TSHZ2: variants seen among roughly 807,000 people sequenced by gnomAD.
The protein encoded by TSHZ2 is teashirt homolog 2.
A neutral mutation model predicts 74.4 loss-of-function variants in TSHZ2; 21 were observed. That is an observed-to-expected ratio of 0.28 (90% CI 0.20 to 0.41). TSHZ2 has a LOEUF of 0.41. Among genes scored for constraint, TSHZ2 ranks in the 10% least tolerant of loss-of-function variants. TSHZ2 has a pLI of 1.00. For missense variants in TSHZ2, 1,244 were observed against 1,293.5 expected (o/e 0.96, Z 0.59); for synonymous variants, 540 against 515.3 (o/e 1.05, Z -0.65).
intron 2 of TSHZ2, among the ~76,000 whole-genome samples, chr20:53,258,231 G>A (rs766264295): frequency 6.6e-6 from 1 of 152,128 alleles, no homozygotes; most frequent in African/African-American, 2.4e-5. Context: ...TTCAGCTCAC[G>A]GAATTGAAAG....
At chr20:53,084,060 C>T (rs928161129) in intron 1 of TSHZ2, among the ~76,000 whole-genome samples, 2 of 152,058 alleles carry the variant, frequency 1.3e-5, no homozygotes, top group Admixed American at 1.3e-4. Flanking sequence ...ATGTTTGCCA[C>T]AGAATAGCCA....
intron 1 of TSHZ2, among the ~76,000 whole-genome samples, chr20:53,090,861 G>A (rs536520707): frequency 4.6e-5 from 7 of 152,178 alleles, no homozygotes; most frequent in East Asian, 1.9e-4. Flanking sequence ...TCCCCTTTTC[G>A]TTTGCTGTTT....
intron 2 of TSHZ2, among the ~76,000 whole-genome samples, chr20:53,273,054 C>A (rs1219890855): frequency 6.6e-6 from 1 of 152,146 alleles, no homozygotes; most frequent in Non-Finnish European, 1.5e-5. Flanking sequence ...GAAACAGGAG[C>A]AGGGCTGATA....
At chr20:53,215,464 T>C (rs1989413783) in intron 1 of TSHZ2, among the ~76,000 whole-genome samples, 1 of 151,590 alleles carries the variant, frequency 6.6e-6, no homozygotes, top group Admixed American at 6.6e-5. Flanking sequence ...ATTTGCTTTC[T>C]TTCCAGAGCT....
chr20:53,202,613 C>T (rs1989036131), intron 1 of TSHZ2, among the ~76,000 whole-genome samples: 1 of 152,118 alleles, frequency 6.6e-6, no homozygotes, highest in Admixed American at 6.6e-5. Context: ...AGATGAAGAA[C>T]ATAAGATTGA....
chr20:53,468,306 C>T (rs1985622429), intron 2 of TSHZ2, among the ~76,000 whole-genome samples: 1 of 152,166 alleles, frequency 6.6e-6, no homozygotes, highest in Non-Finnish European at 1.5e-5. Flanking sequence ...ACTCTCATGC[C>T]ATTTCTCTCA....
intron 2 of TSHZ2, among the ~76,000 whole-genome samples, chr20:53,474,284 G>A (rs1318798352): frequency 1.5e-4 from 21 of 137,180 alleles, no homozygotes; most frequent in South Asian, 5.1e-4. Context: ...TCAAAGGGAA[G>A]CCCATCAGAC....
intron 2 of TSHZ2, among the ~76,000 whole-genome samples, chr20:53,364,232 C>T (rs757501246): frequency 2.0e-5 from 3 of 152,302 alleles, no homozygotes; most frequent in Non-Finnish European, 2.9e-5. Context: ...CAAGGACCGC[C>T]GTGTGGGAAG....
At position 53,256,224 on chromosome 20, in the gene TSHZ2, C is replaced by A; in HGVS notation, c.2766C>A (p.Gly922=). Residue 922 remains glycine (G), a synonymous_variant, in exon 2 of 3, where the codon GGC becomes GGA. Coordinates refer to ENST00000371497, the MANE Select transcript of TSHZ2 (RefSeq NM_173485.6). This position sits in a 1 kb window ranked among gnomAD's most constrained non-coding sequence, Gnocchi z 4.3. ...GTKFLKNMDK[G]HPIFYCSDCA... is the part of the protein sequence containing the mutation. Reference sequence around the variant, plus strand: ...AATTTCTGAAAAACATGGACAAAGGCCACCCCATCTTTTATTGCAGTGACT... The same window carrying A: ...AATTTCTGAAAAACATGGACAAAGGACACCCCATCTTTTATTGCAGTGACT... 6.2e-7 allele frequency: 1 copy of A among 1,613,622 alleles called. No homozygotes were observed. Among genetic ancestry groups the A allele is most frequent in the Non-Finnish European group, 8.5e-7 (1 of 1,179,682 alleles).
rs141229353 is a variant in TSHZ2 at position 53,145,227 on chromosome 20, G to A, written c.41-108272G>A. Among the ~76,000 whole-genome samples, 1,208 of 152,320 alleles carry A rather than the reference G, an allele frequency of 7.9e-3. 17 individuals carry two copies. Among genetic ancestry groups the A allele is most frequent in the African/African-American group, 0.027 (1,120 of 41,568 alleles). ...CCCATGGTTCCTCTGATCAGGACAT[G>A]GTGGGTGGTGAGGAACATCACTTTC... On this transcript the variant is annotated intron_variant, in intron 1 of 2. Coordinates refer to ENST00000371497, the MANE Select transcript of TSHZ2 (RefSeq NM_173485.6).
At chr20:53,454,553 C>A (rs1358610605) in intron 2 of TSHZ2, among the ~76,000 whole-genome samples, 4 of 148,760 alleles carry the variant, frequency 2.7e-5, no homozygotes, top group Non-Finnish European at 4.5e-5. Context: ...CAGAGTGAAA[C>A]TTGGTCTCAA....
chr20:53,249,670 T>C (rs1244801131), intron 1 of TSHZ2, among the ~76,000 whole-genome samples: 1 of 152,044 alleles, frequency 6.6e-6, no homozygotes, highest in Non-Finnish European at 1.5e-5. Context: ...AGGAGAAGGA[T>C]TGGCGGGGTC....
chr20:53,383,616 C>T (rs1981937657), intron 2 of TSHZ2, among the ~76,000 whole-genome samples: 1 of 152,062 alleles, frequency 6.6e-6, no homozygotes, highest in Non-Finnish European at 1.5e-5. Context: ...ATAAAATTAG[C>T]TGGGCATGTT....
At chr20:53,141,322 A>G (rs1987396296) in intron 1 of TSHZ2, among the ~76,000 whole-genome samples, 2 of 152,292 alleles carry the variant, frequency 1.3e-5, no homozygotes, top group East Asian at 1.9e-4. Flanking sequence ...CATCATTAGT[A>G]TCCTTCCATC....
chr20:53,111,857 C>G (rs1015270750), intron 1 of TSHZ2, among the ~76,000 whole-genome samples: 1 of 149,596 alleles, frequency 6.7e-6, no homozygotes, highest in East Asian at 2.1e-4. Flanking sequence ...ATTGCACGCT[C>G]TGGTACCTGA....
At chr20:53,028,760 G>T (rs1600654079) in intron 1 of TSHZ2, among the ~76,000 whole-genome samples, 1 of 152,130 alleles carries the variant, frequency 6.6e-6, no homozygotes, top group Non-Finnish European at 1.5e-5. Context: ...GGTGGTGAGT[G>T]AAATGGCTTC....
At chr20:53,306,097 A>G (rs1363764741) in intron 2 of TSHZ2, among the ~76,000 whole-genome samples, 1 of 151,874 alleles carries the variant, frequency 6.6e-6, no homozygotes, top group Non-Finnish European at 1.5e-5. Context: ...GGTTCTGCTC[A>G]CTCATCTTGG....
intron 2 of TSHZ2, among the ~76,000 whole-genome samples, chr20:53,469,766 GAGGA>G (rs1471692814): frequency 2.2e-5 from 1 of 46,330 alleles, no homozygotes; most frequent in Non-Finnish European, 4.2e-5. Context: ...GATAGAGAGG[GAGGA>G]AGGGAGGGAG....
chr20:53,411,658 G>A (rs760685551), intron 2 of TSHZ2, among the ~76,000 whole-genome samples: 10 of 152,060 alleles, frequency 6.6e-5, no homozygotes, highest in East Asian at 3.9e-4. Context: ...GTGAGACCTC[G>A]TCTCTATAAA....
Sources: gnomAD v4.1 joint callset for allele counts (sites outside exome capture counted in the v4.1 genomes callset) on GRCh38, gnomAD v4.1.1 for gene constraint, Gnocchi (gnomAD v3.1) non-coding constraint, MANE v1.5 for transcripts, NCBI Gene and HGNC (gene_info 2026-07-23, HGNC 2026-07-21) for gene names.